Variants in SGIP1 observed in about 807,000 individuals in gnomAD.
SGIP1 encodes the protein SH3GL interacting endocytic adaptor 1, also known as SH3-containing GRB2-like protein 3-interacting protein 1.
SGIP1 carries 38 observed loss-of-function variants against 107.5 expected under a neutral mutation model. That is an observed-to-expected ratio of 0.35 (90% CI 0.27 to 0.46). The LOEUF (loss-of-function observed/expected upper bound fraction) is 0.46. Ranked by LOEUF, SGIP1 falls within the 20% of genes least tolerant of loss-of-function variation. The probability of loss-of-function intolerance (pLI) is 1.00; values close to 1 mark genes in which losing one functional copy is unlikely to be tolerated. For missense variants in SGIP1, 929 were observed against 1,019.5 expected (o/e 0.91, Z 1.21); for synonymous variants, 365 against 366.1 (o/e 1.00, Z 0.03).
At chr1:66,665,898 A>C (rs1020542554) in intron 8 of SGIP1, 14 of 152,166 alleles carry the variant, frequency 9.2e-5, no homozygotes, top group African/African-American at 3.1e-4. Context: ...TAGACTACAA[A>C]AATTTTCTCC....
chr1:66,553,674 CAA>C (rs112976290), intron 1 of SGIP1, among the ~76,000 whole-genome samples: 94 of 94,986 alleles, frequency 9.9e-4, no homozygotes, highest in South Asian at 9.6e-4. Flanking sequence ...AGACTCCAGT[CAA>C]AAAAAAAAAA....
chr1:66,686,654 T>A (rs2088372448), intron 15 of SGIP1, among the ~76,000 whole-genome samples: 1 of 152,132 alleles, frequency 6.6e-6, no homozygotes, highest in Non-Finnish European at 1.5e-5. Flanking sequence ...AGCCTCAGGG[T>A]TTGGTCAAGC....
At chr1:66,634,236 C>A (rs1006682210) in intron 3 of SGIP1, 24 of 1,195,970 alleles carry the variant, frequency 2.0e-5, no homozygotes, top group African/African-American at 3.0e-5. Context: ...TCCCCTCTGA[C>A]CTTTGCAAAG....
intron 7 of SGIP1, among the ~76,000 whole-genome samples, chr1:66,652,314 C>T (rs1295898051): frequency 6.6e-6 from 1 of 152,054 alleles, no homozygotes; most frequent in Non-Finnish European, 1.5e-5. Flanking sequence ...AGTTCAGAGA[C>T]TTGTAGGAGG....
intron 1 of SGIP1, among the ~76,000 whole-genome samples, chr1:66,570,153 G>T (rs529842020): frequency 1.1e-3 from 170 of 151,320 alleles, no homozygotes; most frequent in Non-Finnish European, 1.9e-3. Flanking sequence ...AGGTTTTATT[G>T]ATCTTTTCAA....
chr1:66,700,864 C>A (rs1406920353), intron 18 of SGIP1, among the ~76,000 whole-genome samples: 1 of 152,094 alleles, frequency 6.6e-6, no homozygotes. Flanking sequence ...TGTTCTCAGT[C>A]CACTAATCCA....
chr1:66,722,591 T>A (rs372874606), intron 19 of SGIP1, among the ~76,000 whole-genome samples: 1 of 152,212 alleles, frequency 6.6e-6, no homozygotes, highest in African/African-American at 2.4e-5. Context: ...ACAGGAGATA[T>A]ATTGGCGATA....
At chr1:66,663,095 A>T (rs538282081) in intron 8 of SGIP1, among the ~76,000 whole-genome samples, 2 of 152,216 alleles carry the variant, frequency 1.3e-5, no homozygotes, top group African/African-American at 4.8e-5. Context: ...GATGCTCATC[A>T]TCTCTCTGAA....
intron 19 of SGIP1, among the ~76,000 whole-genome samples, chr1:66,728,077 C>T (rs1486109930): frequency 6.6e-6 from 1 of 152,068 alleles, no homozygotes; most frequent in Non-Finnish European, 1.5e-5. Flanking sequence ...TCCTTCCACG[C>T]TATCATCCCA....
chr1:66,604,786 C>G (rs1195361174), intron 1 of SGIP1, among the ~76,000 whole-genome samples: 2 of 152,202 alleles, frequency 1.3e-5, no homozygotes, highest in East Asian at 3.8e-4. Flanking sequence ...TCTGGTCAAC[C>G]TGTAGCCCCT....
chr1:66,617,336 A>C (rs974347096), intron 1 of SGIP1, among the ~76,000 whole-genome samples: 2 of 152,186 alleles, frequency 1.3e-5, no homozygotes, highest in African/African-American at 4.8e-5. Context: ...TCACTGGACC[A>C]ACTGGCCTCC....
intron 1 of SGIP1, among the ~76,000 whole-genome samples, chr1:66,600,520 A>G (rs2065591743): frequency 6.6e-6 from 1 of 152,250 alleles, no homozygotes; most frequent in Admixed American, 6.5e-5. Context: ...GAAGGCGATG[A>G]TTATGTTTTA....
chr1:66,609,755 G>A (rs771565501), intron 1 of SGIP1, among the ~76,000 whole-genome samples: 1 of 152,178 alleles, frequency 6.6e-6, no homozygotes, highest in Non-Finnish European at 1.5e-5. Context: ...AACCTGACTA[G>A]GATGCTAGCA....
chr1:66,571,762 T>A (rs2060414101), intron 1 of SGIP1, among the ~76,000 whole-genome samples: 1 of 151,970 alleles, frequency 6.6e-6, no homozygotes, highest in African/African-American at 2.4e-5. Flanking sequence ...TATTTCTGCA[T>A]TCCCCATGAT....
At chr1:66,689,402 C>G in intron 16 of SGIP1, 127 bp downstream of exon 16, 1 of 1,209,588 alleles carries the variant, frequency 8.3e-7, no homozygotes. Context: ...ATCTGAAAGA[C>G]AGTCACTGCG....
chr1:66,747,377 T>C lies in SGIP1; in HGVS notation c.*4282T>C, dbSNP rs897796462. 3.9e-5 allele frequency: 6 copies of C among 152,092 alleles called. No individual in the cohort carries two copies. Among genetic ancestry groups the C allele is most frequent in the Non-Finnish European group, 5.9e-5 (4 of 67,886 alleles). The allele number at this position is 152,092 out of a possible 1,614,324, so 9.4% of individuals were successfully genotyped here. On this transcript the variant is annotated 3_prime_UTR_variant, in exon 25 of 25. Transcript: ENST00000371037. Reference sequence around the variant, plus strand: ...ATTCAGTCCACTTAATTTCCTCCAATCTTAAAAAATTTTTTTCCCTAGGAA... The same window carrying C: ...ATTCAGTCCACTTAATTTCCTCCAACCTTAAAAAATTTTTTTCCCTAGGAA...
At chr1:66,614,809 CTTTTTTTTTTT>C (rs10707091) in intron 1 of SGIP1, among the ~76,000 whole-genome samples, 2 of 59,388 alleles carry the variant, frequency 3.4e-5, no homozygotes, top group Admixed American at 2.2e-4. Flanking sequence ...TTCCAGCTGT[CTTTTTTTTTTT>C]TTTTTTTTTT....
rs375315309 is a variant in SGIP1 at position 66,682,333 on chromosome 1, G to A, written c.1279G>A (p.Gly427Arg). Residue 427 changes from glycine to arginine, a missense_variant, in exon 15 of 25, where the codon GGA becomes AGA. Coordinates refer to ENST00000371037, the MANE Select transcript of SGIP1 (RefSeq NM_032291.4). The stretch of plus-strand genomic sequence containing the variant: ...CTACAGGACTGTGGTTTCGTCCCCC[G>A]GACCTGGCTCGGGCCCTGGTCCGGG... ...PTYRTVVSSP[G>R]PGSGPGPGTT... 6.8e-6 allele frequency: 11 copies of A among 1,613,888 alleles called. No homozygotes were observed. Among genetic ancestry groups the A allele is most frequent in the East Asian group, 2.2e-5 (1 of 44,860 alleles).
intron 2 of SGIP1, among the ~76,000 whole-genome samples, 182 bp from the exon 3 acceptor site, chr1:66,632,888 A>G (rs2075065448): frequency 6.6e-6 from 1 of 152,096 alleles, no homozygotes; most frequent in African/African-American, 2.4e-5. Flanking sequence ...ACATACACAT[A>G]CCCCACACTT....
Sources: allele counts gnomAD v4.1 joint callset (sites outside exome capture counted in the v4.1 genomes callset), GRCh38; gene constraint gnomAD v4.1.1; transcripts MANE v1.5; gene names NCBI Gene and HGNC (gene_info 2026-07-23, HGNC 2026-07-21).